Variants in CDK19 observed in about 807,000 individuals in gnomAD.
The protein encoded by CDK19 is cyclin-dependent kinase 19.
Under a neutral mutation model 68.3 loss-of-function variants are expected in CDK19, and 20 were observed. That is an observed-to-expected ratio of 0.29 (90% CI 0.21 to 0.43). CDK19 has a LOEUF of 0.43. Ranked by LOEUF, CDK19 falls within the 20% of genes least tolerant of loss-of-function variation. The probability of loss-of-function intolerance (pLI) is 1.00; values close to 1 mark genes in which losing one functional copy is unlikely to be tolerated. For synonymous variants in CDK19, 221 were observed against 222.8 expected, an observed-to-expected ratio of 0.99 and a Z score of 0.07; for missense variants, 339 against 623.5, an observed-to-expected ratio of 0.54 and a Z score of 4.86.
At chr6:110,679,890 C>T (rs1270568133) in intron 2 of CDK19, among the ~76,000 whole-genome samples, 4 of 152,112 alleles carry the variant, frequency 2.6e-5, no homozygotes. Context: ...GACTTTATAT[C>T]TCCAATGCAT....
chr6:110,673,815 G>C (rs536882429), intron 2 of CDK19, among the ~76,000 whole-genome samples: 1 of 151,946 alleles, frequency 6.6e-6, no homozygotes, highest in African/African-American at 2.4e-5. Flanking sequence ...ATGTGGTCTC[G>C]AACTCCTGGC....
intron 8 of CDK19, among the ~76,000 whole-genome samples, chr6:110,625,902 T>C (rs572740307): frequency 2.6e-5 from 4 of 152,330 alleles, no homozygotes; most frequent in Admixed American, 1.3e-4. Context: ...TCCTGGTAAG[T>C]TGCCCATAGA....
chr6:110,765,893 GATAT>G (rs985201642), intron 1 of CDK19, among the ~76,000 whole-genome samples: 2 of 151,954 alleles, frequency 1.3e-5, no homozygotes, highest in African/African-American at 4.8e-5. Context: ...AAACCCCAAT[GATAT>G]ATATCATCTC....
At chr6:110,794,025 T>C (rs377294498) in intron 1 of CDK19, among the ~76,000 whole-genome samples, 2 of 152,246 alleles carry the variant, frequency 1.3e-5, no homozygotes, top group East Asian at 3.9e-4. Flanking sequence ...AACAGCATAG[T>C]TGTGTTCTTC....
At chr6:110,641,654 G>GAAGGAAGGAAGA (rs1562150024) in intron 4 of CDK19, among the ~76,000 whole-genome samples, 3 of 140,430 alleles carry the variant, frequency 2.1e-5, no homozygotes, top group African/African-American at 8.8e-5. Context: ...AGAAAGGAAG[G>GAAGGAAGGAAGA]AAGGAAGGAA....
intron 1 of CDK19, among the ~76,000 whole-genome samples, chr6:110,800,174 T>C (rs986435837): frequency 2.6e-5 from 4 of 152,138 alleles, no homozygotes; most frequent in African/African-American, 9.7e-5. Flanking sequence ...AATTGGGAAG[T>C]AGCAATAAAG....
chr6:110,669,704 A>C (rs967591986), intron 3 of CDK19, among the ~76,000 whole-genome samples: 1 of 152,200 alleles, frequency 6.6e-6, no homozygotes, highest in African/African-American at 2.4e-5. Flanking sequence ...GAAGTTTGTT[A>C]CTTTTAGCAG....
chr6:110,804,960 CAA>C (rs927512258), intron 1 of CDK19, among the ~76,000 whole-genome samples: 1 of 140,324 alleles, frequency 7.1e-6, no homozygotes, highest in Non-Finnish European at 1.6e-5. Context: ...CGTCTCAAAA[CAA>C]AAAAAAAAAG....
chr6:110,662,028 G>A (rs914337454), intron 4 of CDK19, among the ~76,000 whole-genome samples: 2 of 152,160 alleles, frequency 1.3e-5, no homozygotes, highest in African/African-American at 4.8e-5. Context: ...GGAGTGCAGT[G>A]GCACGATCTC....
At chr6:110,700,348 C>G (rs1311480588) in intron 2 of CDK19, among the ~76,000 whole-genome samples, 2 of 152,088 alleles carry the variant, frequency 1.3e-5, no homozygotes, top group African/African-American at 4.8e-5. Flanking sequence ...TCCCCCGAAC[C>G]CCGGTATGTG....
chr6:110,714,867 G>A (rs1051968088), intron 2 of CDK19, among the ~76,000 whole-genome samples: 5 of 151,664 alleles, frequency 3.3e-5, no homozygotes, highest in Non-Finnish European at 5.9e-5. Flanking sequence ...CCAAGTAGCT[G>A]GAATTACAGG....
chr6:110,647,089 C>G (rs1440643208), intron 4 of CDK19, among the ~76,000 whole-genome samples: 1 of 152,050 alleles, frequency 6.6e-6, no homozygotes, highest in African/African-American at 2.4e-5. Context: ...CTCCTGCCTC[C>G]CGACCCCTGC....
chr6:110,725,427 A>G (rs1322999934), intron 2 of CDK19, among the ~76,000 whole-genome samples: 1 of 152,196 alleles, frequency 6.6e-6, no homozygotes, highest in South Asian at 2.1e-4. Context: ...ATGAAACTGA[A>G]TATTACTAAA....
At chr6:110,714,078 A>C (rs1775179193) in intron 2 of CDK19, among the ~76,000 whole-genome samples, 3 of 152,332 alleles carry the variant, frequency 2.0e-5, no homozygotes, top group Admixed American at 6.5e-5. Context: ...ATATCCATTA[A>C]GCAACAACTC....
intron 2 of CDK19, among the ~76,000 whole-genome samples, chr6:110,713,706 T>A (rs1775147843): frequency 6.6e-6 from 1 of 152,130 alleles, no homozygotes; most frequent in South Asian, 2.1e-4. Flanking sequence ...TTAAATTTTT[T>A]ACTTTGGTAA....
chr6:110,622,969 C>T (rs887257243), intron 9 of CDK19, 57 bp from the exon 10 acceptor site: 5 of 1,065,502 alleles, frequency 4.7e-6, no homozygotes, highest in Non-Finnish European at 7.4e-6. Flanking sequence ...CAAGTCAACA[C>T]CTTGTCTTTT....
intron 2 of CDK19, among the ~76,000 whole-genome samples, chr6:110,689,291 GC>G: frequency 6.6e-6 from 1 of 152,184 alleles, no homozygotes; most frequent in South Asian, 2.1e-4. Flanking sequence ...ACCTGACTGA[GC>G]CCCCACCTGG....
intron 1 of CDK19, among the ~76,000 whole-genome samples, chr6:110,760,393 T>C (rs1458700844): frequency 3.2e-5 from 3 of 92,952 alleles, no homozygotes; most frequent in East Asian, 3.1e-4. Flanking sequence ...CAAGGCTTTG[T>C]CTCAAAAAAA....
At position 110,815,231 on chromosome 6, in the gene CDK19, C is replaced by G; in HGVS notation, c.-95G>C. The G allele has an allele frequency of 7.5e-7, 1 of 1,334,814 alleles. No homozygotes were observed. Among genetic ancestry groups the G allele is most frequent in the African/African-American group, 1.5e-5 (1 of 65,066 alleles). 82.7% of individuals were successfully genotyped at this position (1,334,814 alleles called of 1,614,324 possible). ...CGCGACCGCCGCTCCACTTCTCCAA[C>G]AGCCGCCTCTCGCGCGCGCGCGCGC... On this transcript the variant is annotated 5_prime_UTR_variant, in exon 1 of 13. Transcript: ENST00000368911.
Sources: gnomAD v4.1 joint callset for allele counts (sites outside exome capture counted in the v4.1 genomes callset) on GRCh38, gnomAD v4.1.1 for gene constraint, MANE v1.5 for transcripts, NCBI Gene and HGNC (gene_info 2026-07-23, HGNC 2026-07-21) for gene names.